Variants in MAGI1 observed in about 807,000 individuals in gnomAD.
MAGI1 encodes membrane-associated guanylate kinase, WW and PDZ domain-containing protein 1.
MAGI1 carries 58 observed loss-of-function variants against 139.9 expected under a neutral mutation model. That is an observed-to-expected ratio of 0.41 (90% CI 0.34 to 0.52). The LOEUF (loss-of-function observed/expected upper bound fraction) is 0.52. MAGI1 is among the 20% of genes least tolerant of loss of function. The probability of loss-of-function intolerance (pLI) is 0.12; values close to 1 mark genes in which losing one functional copy is unlikely to be tolerated. For missense variants in MAGI1, 1,874 were observed against 1,901.6 expected, an observed-to-expected ratio of 0.99 and a Z score of 0.27; for synonymous variants, 812 against 737.9, an observed-to-expected ratio of 1.10 and a Z score of -1.63.
rs13074269 is a variant in MAGI1, at chr3:65,530,745, A to G, written c.431-37114T>C. ...TATACACACGTATATATATATGCAC[A>G]TATATATACACGTATATATATATAT... On this transcript the variant is annotated intron_variant, in intron 2 of 22. Coordinates refer to ENST00000402939, the MANE Select transcript of MAGI1 (RefSeq NM_001033057.2). 1.0e-4 allele frequency among the ~76,000 whole-genome samples: 8 copies of G among 78,184 alleles called. 1 individual carries two copies. The highest frequency in any genetic ancestry group is 4.3e-4 in the East Asian group (1 of 2,316). 51.3% of individuals were successfully genotyped at this position (78,184 alleles called of 152,430 possible).
At position 65,357,119 on chromosome 3, in the gene MAGI1, G is replaced by A. The variant is rs1940247191; in HGVS notation, c.3648C>T (p.Asp1216=). ...GTGGACCGGTGGCGGGGCCGTGGCGGTCGCTGCTGGGGTCTGCCAGGAAAA... is the reference window on the plus strand; with the variant it reads ...GTGGACCGGTGGCGGGGCCGTGGCGATCGCTGCTGGGGTCTGCCAGGAAAA... The part of the protein sequence containing the change: ...GSVPEYDPSS[D]RHGPATGPQG... The change falls in exon 23 of 23, where the codon GAC becomes GAT. Residue 1216 remains aspartate (D), a synonymous_variant. Coordinates refer to ENST00000402939, the MANE Select transcript of MAGI1 (RefSeq NM_001033057.2). 7 of 1,611,076 alleles carry A rather than the reference G, an allele frequency of 4.3e-6. No homozygotes were observed. Among genetic ancestry groups the A allele is most frequent in the South Asian group, 1.1e-5 (1 of 90,626 alleles).
chr3:65,996,106 C>A (rs1042375090), intron 1 of MAGI1, among the ~76,000 whole-genome samples: 2 of 152,140 alleles, frequency 1.3e-5, no homozygotes, highest in African/African-American at 2.4e-5. Context: ...AATCTACGAC[C>A]CACCATTCAT....
intron 22 of MAGI1, 140 bp downstream of exon 22, chr3:65,361,059 G>A (rs1240402396): frequency 1.3e-5 from 20 of 1,550,516 alleles, no homozygotes; most frequent in East Asian, 2.3e-5. Context: ...AACAAGCGAG[G>A]CAAATAATCA....
chr3:65,951,987 G>A (rs1194817619), intron 1 of MAGI1, among the ~76,000 whole-genome samples: 1 of 152,224 alleles, frequency 6.6e-6, no homozygotes, highest in Non-Finnish European at 1.5e-5. Context: ...ATTGCAATGT[G>A]ATATTAAAAT....
intron 1 of MAGI1, among the ~76,000 whole-genome samples, chr3:65,995,528 C>T (rs1172748273): frequency 6.8e-6 from 1 of 147,186 alleles, no homozygotes; most frequent in Admixed American, 6.7e-5. Context: ...TATACGGCTC[C>T]CTTAAAGGGT....
intron 18 of MAGI1, among the ~76,000 whole-genome samples, chr3:65,372,578 C>G (rs1204377840): frequency 6.6e-6 from 1 of 152,186 alleles, no homozygotes; most frequent in Non-Finnish European, 1.5e-5. Flanking sequence ...AGCTTTGAAA[C>G]TAGGCATTGA....
intron 1 of MAGI1, among the ~76,000 whole-genome samples, chr3:65,715,363 T>C (rs1427573887): frequency 6.6e-6 from 1 of 152,236 alleles, no homozygotes; most frequent in Non-Finnish European, 1.5e-5. Flanking sequence ...TTTGATTTTT[T>C]GTTTTGGTTT....
intron 1 of MAGI1, among the ~76,000 whole-genome samples, chr3:65,992,447 A>G (rs2066231755): frequency 1.7e-5 from 1 of 59,068 alleles, no homozygotes. Flanking sequence ...AGAAAACCTG[A>G]GCAAAAAACA....
intron 12 of MAGI1, among the ~76,000 whole-genome samples, chr3:65,414,256 A>C (rs939005065): frequency 1.3e-5 from 2 of 152,190 alleles, no homozygotes; most frequent in East Asian, 3.9e-4. Context: ...GAGCACACTA[A>C]AGGTGCTCGG....
intron 1 of MAGI1, among the ~76,000 whole-genome samples, chr3:65,912,250 A>G (rs1449259678): frequency 6.6e-6 from 1 of 151,948 alleles, no homozygotes; most frequent in African/African-American, 2.4e-5. Flanking sequence ...AAAAAAAAAA[A>G]AAGAGTTCTG....
Position 65,897,728 on chromosome 3 carries a change from T to C in MAGI1, c.313+140268A>G, listed in dbSNP as rs557713806. The stretch of plus-strand genomic sequence containing the variant: ...TTTTTTAAAATTCAGCCAGGCATGG[T>C]GGTGTACCCCTGCAGTCCCAGCTAC... On this transcript the variant is annotated intron_variant, in intron 1 of 22. Coordinates refer to ENST00000402939, the MANE Select transcript of MAGI1 (RefSeq NM_001033057.2). 8.6e-5 allele frequency among the ~76,000 whole-genome samples: 13 copies of C among 151,816 alleles called. No homozygotes were observed. In the East Asian group the frequency reaches 2.6e-3, roughly 30 times the overall value.
intron 2 of MAGI1, among the ~76,000 whole-genome samples, chr3:65,493,848 G>A (rs1952231508): frequency 6.6e-6 from 1 of 152,116 alleles, no homozygotes; most frequent in South Asian, 2.1e-4. Context: ...ACCCCAAATG[G>A]GAGAGAGAGA....
intron 3 of MAGI1, among the ~76,000 whole-genome samples, chr3:65,491,941 C>T (rs182483710): frequency 3.3e-5 from 5 of 152,242 alleles, no homozygotes; most frequent in African/African-American, 1.2e-4. Context: ...TGCTCCTTCC[C>T]GTCTTCTCCA....
chr3:65,700,625 G>T (rs1187314350), intron 1 of MAGI1, among the ~76,000 whole-genome samples: 2 of 152,016 alleles, frequency 1.3e-5, no homozygotes, highest in South Asian at 2.1e-4. Flanking sequence ...AAATAAAACT[G>T]AACAACCACA....
intron 1 of MAGI1, among the ~76,000 whole-genome samples, chr3:65,696,627 TC>T (rs1222859164): frequency 3.3e-5 from 5 of 152,076 alleles, no homozygotes; most frequent in Non-Finnish European, 7.4e-5. Flanking sequence ...ATGTTTTTTT[TC>T]CCTCCTGCTA....
chr3:65,479,672 TA>T (rs34741223), intron 3 of MAGI1, among the ~76,000 whole-genome samples: 2 of 152,194 alleles, frequency 1.3e-5, no homozygotes, highest in Admixed American at 6.5e-5. Context: ...ACTTAAAGTT[TA>T]AAAAGACAGT....
At chr3:65,360,409 T>A (rs1030392318) in intron 22 of MAGI1, 47 of 970,698 alleles carry the variant, frequency 4.8e-5, no homozygotes, top group Middle Eastern at 1.1e-3. Context: ...ACATAATTAT[T>A]ATCATATACA....
At chr3:65,649,612 G>A (rs1161047558) in intron 1 of MAGI1, among the ~76,000 whole-genome samples, 1 of 151,934 alleles carries the variant, frequency 6.6e-6, no homozygotes, top group Non-Finnish European at 1.5e-5. Flanking sequence ...GTGTCTATCT[G>A]GAACATATAA....
At chr3:65,830,203 G>T (rs968094418) in intron 1 of MAGI1, among the ~76,000 whole-genome samples, 4 of 152,080 alleles carry the variant, frequency 2.6e-5, no homozygotes, top group Admixed American at 2.0e-4. Context: ...ACATCTGTTT[G>T]AGGCATCGCA....
Sources: allele counts gnomAD v4.1 joint callset (sites outside exome capture counted in the v4.1 genomes callset), GRCh38; gene constraint gnomAD v4.1.1; transcripts MANE v1.5; gene names NCBI Gene and HGNC (gene_info 2026-07-23, HGNC 2026-07-21).